Variants in MFSD8 observed in about 807,000 individuals in gnomAD.
MFSD8 encodes the protein major facilitator superfamily domain-containing protein 8.
A neutral mutation model predicts 66.4 loss-of-function variants in MFSD8; 55 were observed. That is an observed-to-expected ratio of 0.83 (90% confidence interval 0.67 to 1.04). The LOEUF (loss-of-function observed/expected upper bound fraction) is 1.04. MFSD8 is among the 50% of genes least tolerant of loss of function. The probability of loss-of-function intolerance (pLI) is 0.00; values close to 1 mark genes in which losing one functional copy is unlikely to be tolerated. For synonymous variants in MFSD8, 202 were observed against 212.8 expected (o/e 0.95, Z 0.44); for missense variants, 550 against 627.6 (o/e 0.88, Z 1.32).
At position 127,920,465 on chromosome 4, in the gene MFSD8, A is replaced by G. The variant is rs1399692936; in HGVS notation, c.*165T>C. 2.5e-5 allele frequency: 18 copies of G among 709,130 alleles called. 1 individual carries two copies. The South Asian group carries it at 2.6e-4, about 10-fold the overall frequency. 43.9% of individuals were successfully genotyped at this position (709,130 alleles called of 1,614,324 possible). A position where few individuals can be genotyped will look rare whatever the true frequency, so the allele number is the denominator to read the frequency against. ...GTTTTTATATAACCTACTATTCACA[A>G]TGACATGTAGAATTCTCTCTGTTAT... On this transcript the variant is annotated 3_prime_UTR_variant, in exon 12 of 12. Coordinates refer to ENST00000641686, the MANE Select transcript of MFSD8 (RefSeq NM_001371596.2).
At chr4:127,963,148 T>G (rs1744074726) in intron 1 of MFSD8, among the ~76,000 whole-genome samples, 1 of 152,254 alleles carries the variant, frequency 6.6e-6, no homozygotes. Context: ...ATTCCTTTAA[T>G]GCCTTAAAAT....
chr4:127,963,441 C>G (rs998008789), intron 1 of MFSD8, among the ~76,000 whole-genome samples: 1 of 152,208 alleles, frequency 6.6e-6, no homozygotes, highest in Non-Finnish European at 1.5e-5. Context: ...TGCGGACCCT[C>G]GCGGTGAGTG....
intron 7 of MFSD8, among the ~76,000 whole-genome samples, chr4:127,938,408 C>G (rs1214782386): frequency 6.6e-6 from 1 of 151,686 alleles, no homozygotes; most frequent in South Asian, 2.1e-4. Flanking sequence ...ATGGTGAAAC[C>G]CCATCTCTAC....
At chr4:127,933,889 T>C (rs1317143490) in intron 7 of MFSD8, among the ~76,000 whole-genome samples, 2 of 152,210 alleles carry the variant, frequency 1.3e-5, no homozygotes, top group Non-Finnish European at 2.9e-5. Flanking sequence ...AATTTCAGTG[T>C]TACATGAAAT....
chr4:127,963,121 A>C (rs1025049275), intron 1 of MFSD8, among the ~76,000 whole-genome samples: 1 of 152,214 alleles, frequency 6.6e-6, no homozygotes, highest in African/African-American at 2.4e-5. Flanking sequence ...AATTATAAGG[A>C]TCAAAATACT....
At chr4:127,923,942 A>C (rs1736779604) in intron 9 of MFSD8, among the ~76,000 whole-genome samples, 1 of 151,952 alleles carries the variant, frequency 6.6e-6, no homozygotes, top group Non-Finnish European at 1.5e-5. Flanking sequence ...ATTGGCCTTA[A>C]ATTTTTTTTG....
intron 3 of MFSD8, among the ~76,000 whole-genome samples, chr4:127,946,877 T>C (rs1741118026): frequency 6.6e-6 from 1 of 150,898 alleles, no homozygotes; most frequent in African/African-American, 2.4e-5. Flanking sequence ...ATTGCATCAC[T>C]GACCTCGAGC....
rs148291156 is a variant in MFSD8, at chr4:127,921,921, T to C, written c.1041A>G (p.Val347=). The change falls in exon 10 of 12, where the codon GTA becomes GTG. Residue 347 remains valine, a synonymous_variant. Coordinates refer to ENST00000641686, the MANE Select transcript of MFSD8 (RefSeq NM_001371596.2). ...RAILLGGLIV[V]WVGFFILLPW... ...GTAACAAGATAAAGAAGCCAACCCA[T>C]ACAACGATGAGTCCTCCCAGTAGAA... 873 of 1,614,116 alleles carry C rather than the reference T, an allele frequency of 5.4e-4. 7 individuals carry two copies. In the African/African-American group the frequency reaches 0.01, roughly 19 times the overall value.
chr4:127,920,130 T>G lies in MFSD8; in HGVS notation c.*500A>C, dbSNP rs1192512634. 1 of 159,886 alleles carries G rather than the reference T, an allele frequency of 6.3e-6. No individual in the cohort carries two copies. Among genetic ancestry groups the G allele is most frequent in the East Asian group, 1.8e-4 (1 of 5,456 alleles). 9.9% of individuals were successfully genotyped at this position (159,886 alleles called of 1,614,324 possible). On this transcript the variant is annotated 3_prime_UTR_variant, in exon 12 of 12. Coordinates refer to ENST00000641686, the MANE Select transcript of MFSD8 (RefSeq NM_001371596.2). ...GGAAAATATGTGTTATAATTTTTAT[T>G]TCATAAGTGAACTTGATAATAGAAA...
At chr4:127,961,267 T>C (rs1016825218) in intron 1 of MFSD8, among the ~76,000 whole-genome samples, 6 of 152,186 alleles carry the variant, frequency 3.9e-5, no homozygotes, top group African/African-American at 1.4e-4. Flanking sequence ...TACTTATTAT[T>C]TTCAAAATAC....
chr4:127,941,224 T>TA (rs1299394297), intron 5 of MFSD8, among the ~76,000 whole-genome samples: 1 of 152,212 alleles, frequency 6.6e-6, no homozygotes, highest in African/African-American at 2.4e-5. Context: ...AACAGTGAAT[T>TA]AGATTCCCTT....
chr4:127,933,459 G>A (rs888674211), intron 7 of MFSD8: 6 of 185,242 alleles, frequency 3.2e-5, no homozygotes, highest in Non-Finnish European at 6.8e-5. Context: ...ACCCAGTCTG[G>A]GCTTGAACTC....
chr4:127,920,843 G>T lies in MFSD8; in HGVS notation c.1351-7C>A, dbSNP rs749064799. On this transcript the variant is annotated splice_region_variant and splice_polypyrimidine_tract_variant and intron_variant, in intron 11 of 11. Coordinates refer to ENST00000641686, the MANE Select transcript of MFSD8 (RefSeq NM_001371596.2). ...ACCAGCCCATGTATACACCCTGTTG[G>T]GGGTGAAATGGAGGACAAGCAGATT... 5 of 1,612,644 alleles carry T rather than the reference G, an allele frequency of 3.1e-6. No homozygotes were observed. The East Asian group carries it at 1.1e-4, about 36-fold the overall frequency.
At chr4:127,965,632 T>C (rs1225134574), upstream of MFSD8, 1 of 212,134 alleles carries the variant, frequency 4.7e-6, no homozygotes, top group African/African-American at 2.3e-5. Context: ...GGTTAAGTAG[T>C]AGGTGCGCTA....
intron 5 of MFSD8, among the ~76,000 whole-genome samples, chr4:127,941,741 T>G (rs1740230822): frequency 6.6e-6 from 1 of 152,126 alleles, no homozygotes; most frequent in African/African-American, 2.4e-5. Flanking sequence ...AGATTACAGG[T>G]GTGGACCACC....
At chr4:127,963,893 G>A (rs1242677535) in intron 1 of MFSD8, among the ~76,000 whole-genome samples, 2 of 152,094 alleles carry the variant, frequency 1.3e-5, no homozygotes, top group East Asian at 1.9e-4. Context: ...TGATTGGTGC[G>A]TTTACAATCC....
At chr4:127,964,192 G>C (rs549347315) in intron 1 of MFSD8, among the ~76,000 whole-genome samples, 1 of 152,162 alleles carries the variant, frequency 6.6e-6, no homozygotes, top group Non-Finnish European at 1.5e-5. Flanking sequence ...ATCCCGCACC[G>C]GGGCTGCAGG....
At position 127,920,706 on chromosome 4, in the gene MFSD8, A is replaced by G. The variant is rs1217401163; in HGVS notation, c.1481T>C (p.Leu494Pro). ...AFSLVCGIIV[L>P]TITLLGVVYK... ...AACCACTCCCAGGAGGGTGATGGTG[A>G]GCACTATTATTCCACACACCAGGCT... Residue 494 changes from leucine to proline, a missense_variant, in exon 12 of 12, where the codon CTC becomes CCC. By Grantham distance (98) the Leu-to-Pro change is moderately conservative. Transcript: ENST00000641686. 2 of 1,613,952 alleles carry G rather than the reference A, an allele frequency of 1.2e-6. No individual in the cohort carries two copies. The highest frequency in any genetic ancestry group is 1.7e-6 in the Non-Finnish European group (2 of 1,180,022).
chr4:127,962,847 T>C (rs1413588953), intron 1 of MFSD8, among the ~76,000 whole-genome samples: 1 of 152,160 alleles, frequency 6.6e-6, no homozygotes, highest in Non-Finnish European at 1.5e-5. Context: ...ATAAACTCTG[T>C]TTAGTAAATC....
Sources: gnomAD v4.1 joint callset for allele counts (sites outside exome capture counted in the v4.1 genomes callset) on GRCh38, gnomAD v4.1.1 for gene constraint, MANE v1.5 for transcripts, NCBI Gene and HGNC (gene_info 2026-07-23, HGNC 2026-07-21) for gene names.